The following NPEPL1 variants were observed in gnomAD, a reference collection of about 807,000 sequenced individuals.
NPEPL1 encodes probable aminopeptidase NPEPL1.
NPEPL1 carries 45 observed loss-of-function variants against 52.4 expected under a neutral mutation model. That is an observed-to-expected ratio of 0.86 (90% CI 0.68 to 1.10). The LOEUF is 1.10. Ranked by LOEUF, NPEPL1 falls within the 50% of genes least tolerant of loss-of-function variation. NPEPL1 has a pLI of 0.00. For missense variants in NPEPL1, 696 were observed against 710.9 expected (o/e 0.98, Z 0.24); for synonymous variants, 360 against 314.7 (o/e 1.14, Z -1.52).
At chr20:58,690,895 C>T, upstream of NPEPL1, 1 of 490,988 alleles carries the variant, frequency 2.0e-6, no homozygotes, top group Non-Finnish European at 3.6e-6. Flanking sequence ...GATCCCTCTT[C>T]AGTTTGCAAA....
chr20:58,698,870 G>A (rs1049019772), intron 4 of NPEPL1, 97 bp downstream of exon 4: 17 of 1,050,440 alleles, frequency 1.6e-5, no homozygotes, highest in Non-Finnish European at 1.8e-5. Flanking sequence ...TCCACACCCT[G>A]ACGTGGCCAG....
Position 58,715,252 on chromosome 20 carries a change from TC to T in NPEPL1, c.1502del (p.Pro501HisfsTer139). 6.2e-7 allele frequency: 1 copy of T among 1,610,692 alleles called. No individual in the cohort carries two copies. Among genetic ancestry groups the T allele is most frequent in the Non-Finnish European group, 8.5e-7 (1 of 1,179,284 alleles). On this transcript the variant is annotated frameshift_variant, in exon 12 of 12. Transcript: ENST00000356091. LOFTEE classifies it high-confidence loss of function. Reference sequence around the variant, plus strand: ...TGAGGACCCTCTGCTGAACCTGGTGTCCCCACTGGGCTGTGAGGTGGATGTC... The same window carrying T: ...TGAGGACCCTCTGCTGAACCTGGTGTCCCACTGGGCTGTGAGGTGGATGTC... The part of the protein sequence containing the change: ...ASEDPLLNLV[S>X]PLGCEVDVEE...
Position 58,707,936 on chromosome 20 carries a change from G to T in NPEPL1, c.900+736G>T, listed in dbSNP as rs903411388. On this transcript the variant is annotated intron_variant, in intron 7 of 11. Coordinates refer to ENST00000356091, the MANE Select transcript of NPEPL1 (RefSeq NM_024663.4). ...TCTATAAAAAAAAATTTAAAAACTA[G>T]CCAGGCGTGGTGGCGCGCACCTGTA... Among the ~76,000 whole-genome samples, 11 of 152,298 alleles carry T rather than the reference G, an allele frequency of 7.2e-5. 1 individual carries two copies. The East Asian group carries it at 2.1e-3, about 29-fold the overall frequency.
upstream of NPEPL1, among the ~76,000 whole-genome samples, chr20:58,689,737 C>T (rs1489891077): frequency 6.6e-6 from 1 of 152,184 alleles, no homozygotes; most frequent in African/African-American, 2.4e-5. Flanking sequence ...AATCTTCTCC[C>T]AGTGACTGGA....
intron 7 of NPEPL1, 98 bp from the exon 8 acceptor site, chr20:58,712,381 T>C (rs1394037946): frequency 6.6e-6 from 5 of 762,560 alleles, no homozygotes; most frequent in Non-Finnish European, 6.9e-6. Flanking sequence ...CATCTCTCTC[T>C]CTCCTGCTGT....
chr20:58,707,058 G>A lies in NPEPL1; in HGVS notation c.823-65G>A, dbSNP rs1436213209. On this transcript the variant is annotated intron_variant, in intron 6 of 11. Coordinates refer to ENST00000356091, the MANE Select transcript of NPEPL1 (RefSeq NM_024663.4). ...GCGTGGGGCCGGGTGGGGGTGGGGG[G>A]CTTCCGCTGCCAGGCCTGGACCTCA... The A allele has an allele frequency of 3.4e-6, 5 of 1,488,552 alleles. No individual in the cohort carries two copies. In the African/African-American group the frequency reaches 4.2e-5, roughly 12 times the overall value. 92.2% of individuals were successfully genotyped at this position (1,488,552 alleles called of 1,614,324 possible).
intron 10 of NPEPL1, 98 bp downstream of exon 10, chr20:58,714,191 C>T: frequency 1.4e-6 from 2 of 1,387,602 alleles, no homozygotes; most frequent in Non-Finnish European, 1.9e-6. Flanking sequence ...GGAGCTGGGG[C>T]CCCCCAGAAG....
intron 3 of NPEPL1, among the ~76,000 whole-genome samples, chr20:58,697,562 G>A (rs188074588): frequency 2.6e-3 from 389 of 152,356 alleles, no homozygotes; most frequent in Non-Finnish European, 4.1e-3. Flanking sequence ...GGCGCCTGCT[G>A]CCCTGACATT....
rs2084927743 is a variant in NPEPL1, at chr20:58,715,159, T to G, written c.1414-9T>G. ...CGCCCAGAGTCTGTGTCCTGCCCTT[T>G]GCTTGCAGGGTGAGCGAGCCACAGG... On this transcript the variant is annotated splice_polypyrimidine_tract_variant and intron_variant, in intron 11 of 11. Transcript: ENST00000356091. 1.3e-6 allele frequency: 2 copies of G among 1,597,380 alleles called. No individual in the cohort carries two copies. Among genetic ancestry groups the G allele is most frequent in the African/African-American group, 1.3e-5 (1 of 74,578 alleles).
At position 58,707,182 on chromosome 20, in the gene NPEPL1, C is replaced by G; in HGVS notation, c.882C>G (p.Phe294Leu). Residue 294 changes from phenylalanine (F) to leucine (L), a missense_variant, in exon 7 of 12, where the codon TTC becomes TTG. Coordinates refer to ENST00000356091, the MANE Select transcript of NPEPL1 (RefSeq NM_024663.4). The stretch of plus-strand genomic sequence containing the variant: ...GTGCTGCGGCCGTCCTGGGGGCCTT[C>G]AGAGCCGCAATCAAGCAGGTGAGTG... ...CGGAAAVLGAFRAAIKQGFKD... is the reference protein window; with the variant it reads ...CGGAAAVLGALRAAIKQGFKD... 1 of 1,551,806 alleles carries G rather than the reference C, an allele frequency of 6.4e-7. No individual in the cohort carries two copies. The highest frequency in any genetic ancestry group is 1.4e-5 in the African/African-American group (1 of 73,338).
rs762835892 is a variant in NPEPL1, at chr20:58,698,729, G to A, written c.553G>A (p.Val185Met). Residue 185 changes from valine (V) to methionine (M), a missense_variant, in exon 4 of 12, where the codon GTG becomes ATG. Val to Met is a conservative substitution (Grantham distance 21). Coordinates refer to ENST00000356091, the MANE Select transcript of NPEPL1 (RefSeq NM_024663.4). ...TDGVRLAARI[V>M]DTPCNEMNTD... is the part of the protein sequence containing the mutation. The stretch of plus-strand genomic sequence containing the variant: ...CGGCGTGCGGCTAGCAGCCCGCATC[G>A]TGGACACACCCTGCAATGAGATGAA... The A allele has an allele frequency of 1.7e-5, 28 of 1,612,932 alleles. No homozygotes were observed. Among genetic ancestry groups the A allele is most frequent in the Middle Eastern group, 1.7e-4 (1 of 6,060 alleles).
rs1232517568 is a variant in NPEPL1 at position 58,713,554 on chromosome 20, C to T, written c.1125+11C>T. On this transcript the variant is annotated intron_variant, in intron 9 of 11. Coordinates refer to ENST00000356091, the MANE Select transcript of NPEPL1 (RefSeq NM_024663.4). The surrounding 1 kb of genome is among the most constrained non-coding windows in gnomAD (Gnocchi z 4.6). ...CTGACCGGGGCTCAGGTGAGTGCTC[C>T]CTGGATCCACCCCTTAGCTGTAGTC... 2 of 1,590,522 alleles carry T rather than the reference C, an allele frequency of 1.3e-6. No homozygotes were observed. The highest frequency in any genetic ancestry group is 1.7e-5 in the Admixed American group (1 of 58,354).
chr20:58,713,736 G>C lies in NPEPL1; in HGVS notation c.1126-181G>C. The C allele has an allele frequency of 9.5e-7, 1 of 1,057,090 alleles. No individual in the cohort carries two copies. The highest frequency in any genetic ancestry group is 1.3e-6 in the Non-Finnish European group (1 of 768,216). The allele number at this position is 1,057,090 out of a possible 1,614,324, so 65.5% of individuals were successfully genotyped here. ...CGAGGCCCAGGCTGGATGCAGAGCC[G>C]GGAACCGCCTCCTGTGTGCTTCATG... On this transcript the variant is annotated intron_variant, in intron 9 of 11. Transcript: ENST00000356091. The surrounding 1 kb of genome is among the most constrained non-coding windows in gnomAD (Gnocchi z 4.6).
intron 3 of NPEPL1, among the ~76,000 whole-genome samples, chr20:58,697,158 C>T (rs549490798): frequency 4.6e-5 from 7 of 152,352 alleles, no homozygotes; most frequent in African/African-American, 1.4e-4. Context: ...CGATGCCTGG[C>T]ACATGTGGAC....
intron 10 of NPEPL1, 125 bp downstream of exon 10, chr20:58,714,218 G>T (rs1034694555): frequency 8.7e-6 from 9 of 1,038,014 alleles, no homozygotes; most frequent in African/African-American, 1.7e-5. Flanking sequence ...CAGTGCAGAC[G>T]AGGGCTTGAG....
At chr20:58,692,252 G>A (rs1435562128), upstream of NPEPL1, 1 of 203,278 alleles carries the variant, frequency 4.9e-6, no homozygotes, top group African/African-American at 2.3e-5. This position sits in a 1 kb window ranked among gnomAD's most constrained non-coding sequence, Gnocchi z 5.7. Context: ...AGCGGGGTCT[G>A]ATAAACGCCA....
intron 10 of NPEPL1, 25 bp downstream of exon 10, chr20:58,714,118 A>G (rs1162513826): frequency 3.9e-6 from 6 of 1,526,448 alleles, no homozygotes. Context: ...TCGAACCTGG[A>G]GCCTGCCACA....
At chr20:58,693,619 C>T (rs2084400311) in intron 1 of NPEPL1, 118 bp from the exon 2 acceptor site, 11 of 838,556 alleles carry the variant, frequency 1.3e-5, no homozygotes, top group Middle Eastern at 2.3e-4. Context: ...TGGCCGGGAG[C>T]TGCGCAGTGC....
At chr20:58,698,606 C>T (rs933212293) in intron 3 of NPEPL1, 78 bp from the exon 4 acceptor site, 26 of 1,193,140 alleles carry the variant, frequency 2.2e-5, no homozygotes, top group Non-Finnish European at 2.7e-5. Flanking sequence ...CCTCTGCTGC[C>T]TTTTGTTCCT....
Sources: gnomAD v4.1 joint callset for allele counts (sites outside exome capture counted in the v4.1 genomes callset) on GRCh38, gnomAD v4.1.1 for gene constraint, Gnocchi (gnomAD v3.1) non-coding constraint, MANE v1.5 for transcripts, NCBI Gene and HGNC (gene_info 2026-07-23, HGNC 2026-07-21) for gene names.